Variants in TAF4B observed in about 807,000 individuals in gnomAD.
TAF4B encodes transcription initiation factor TFIID subunit 4B.
TAF4B carries 38 observed loss-of-function variants against 86.4 expected under a neutral mutation model. That is an observed-to-expected ratio of 0.44 (90% CI 0.34 to 0.58). TAF4B has a LOEUF of 0.58. TAF4B is among the 20% of genes least tolerant of loss of function. The pLI is 0.02. For synonymous variants in TAF4B, 388 were observed against 391.2 expected, an observed-to-expected ratio of 0.99 and a Z score of 0.10; for missense variants, 988 against 1,027.6, an observed-to-expected ratio of 0.96 and a Z score of 0.53.
intron 1 of TAF4B, among the ~76,000 whole-genome samples, chr18:26,242,261 G>T (rs1443932856): frequency 1.3e-5 from 2 of 152,120 alleles, no homozygotes; most frequent in African/African-American, 4.8e-5. Context: ...TTATGAATCT[G>T]GGTGCTCCTG....
chr18:26,346,759 G>GTGTGTATA (rs1202008455), intron 13 of TAF4B, among the ~76,000 whole-genome samples: 2 of 27,112 alleles, frequency 7.4e-5, no homozygotes, highest in South Asian at 1.8e-3. Context: ...ATATATGTGT[G>GTGTGTATA]TATATATATA....
At chr18:26,354,197 C>T (rs1357880779) in intron 13 of TAF4B, among the ~76,000 whole-genome samples, 1 of 152,202 alleles carries the variant, frequency 6.6e-6, no homozygotes, top group Non-Finnish European at 1.5e-5. Flanking sequence ...GCCTCAGCCT[C>T]CCAAGTAGCT....
intron 14 of TAF4B, among the ~76,000 whole-genome samples, chr18:26,384,318 T>C (rs1271425678): frequency 1.3e-5 from 2 of 152,224 alleles, no homozygotes; most frequent in Non-Finnish European, 2.9e-5. Context: ...GTCGTAGGAT[T>C]CAGGGAATTG....
chr18:26,299,550 C>A (rs2056706192), intron 9 of TAF4B, among the ~76,000 whole-genome samples: 1 of 152,010 alleles, frequency 6.6e-6, no homozygotes, highest in South Asian at 2.1e-4. Context: ...AAAAATGAGT[C>A]ATAGTCTTCC....
At chr18:26,291,806 T>G (rs948329887) in intron 7 of TAF4B, among the ~76,000 whole-genome samples, 1 of 151,996 alleles carries the variant, frequency 6.6e-6, no homozygotes, top group Non-Finnish European at 1.5e-5. Flanking sequence ...CAACGATATA[T>G]CTGAGATTTG....
intron 1 of TAF4B, among the ~76,000 whole-genome samples, chr18:26,254,603 T>C (rs2056054948): frequency 6.6e-6 from 1 of 152,164 alleles, no homozygotes; most frequent in African/African-American, 2.4e-5. Flanking sequence ...TAACCTTTGT[T>C]TTGTGCCATC....
At chr18:26,306,774 ATT>A (rs1427237833) in intron 9 of TAF4B, among the ~76,000 whole-genome samples, 1 of 151,144 alleles carries the variant, frequency 6.6e-6, no homozygotes, top group Non-Finnish European at 1.5e-5. Flanking sequence ...TTATTTATTT[ATT>A]TATTTATTTA....
chr18:26,264,920 T>C (rs1348894540), intron 1 of TAF4B, among the ~76,000 whole-genome samples: 1 of 152,222 alleles, frequency 6.6e-6, no homozygotes, highest in Non-Finnish European at 1.5e-5. Flanking sequence ...TTATAGATAG[T>C]TTTGATGTCA....
Position 26,322,232 on chromosome 18 carries a change from C to T in TAF4B, c.2133+1032C>T, listed in dbSNP as rs2056968787. ...AAGGAAACTAGGAAATTGTCAGCTA[C>T]TACACCACCAGTAAGTTCCCTGGAG... On this transcript the variant is annotated intron_variant, in intron 11 of 14. Coordinates refer to ENST00000269142, the MANE Select transcript of TAF4B (RefSeq NM_005640.3). Among the ~76,000 whole-genome samples, 6 of 152,162 alleles carry T rather than the reference C, an allele frequency of 3.9e-5. 1 individual carries two copies. The South Asian group carries it at 1.0e-3, about 26-fold the overall frequency.
At chr18:26,305,711 T>A (rs1432854080) in intron 9 of TAF4B, among the ~76,000 whole-genome samples, 2 of 152,208 alleles carry the variant, frequency 1.3e-5, no homozygotes, top group Admixed American at 1.3e-4. Flanking sequence ...TGTTTTCGAT[T>A]GTTATAACAT....
intron 3 of TAF4B, among the ~76,000 whole-genome samples, chr18:26,270,294 T>C (rs1177000385): frequency 6.6e-6 from 1 of 151,904 alleles, no homozygotes; most frequent in Non-Finnish European, 1.5e-5. Context: ...CTTCTTAGAG[T>C]GTATTAGGGA....
chr18:26,353,502 C>T (rs947344078), intron 13 of TAF4B, among the ~76,000 whole-genome samples: 1 of 152,214 alleles, frequency 6.6e-6, no homozygotes, highest in Non-Finnish European at 1.5e-5. Flanking sequence ...AGGCCAAGGC[C>T]GGTGGATAGC....
intron 9 of TAF4B, among the ~76,000 whole-genome samples, chr18:26,302,041 T>A (rs940428326): frequency 1.3e-5 from 2 of 152,216 alleles, no homozygotes; most frequent in African/African-American, 4.8e-5. Context: ...TGCCTTCAAA[T>A]AAACTTAAAA....
At chr18:26,266,664 A>T (rs1210661314) in intron 2 of TAF4B, 1 of 151,952 alleles carries the variant, frequency 6.6e-6, no homozygotes, top group Non-Finnish European at 1.5e-5. Flanking sequence ...GATCGAGACC[A>T]TCCTGGCTAA....
intron 14 of TAF4B, among the ~76,000 whole-genome samples, chr18:26,386,672 T>C (rs1391324638): frequency 6.6e-6 from 1 of 152,188 alleles, no homozygotes; most frequent in Admixed American, 6.5e-5. Context: ...ATGAATTCCT[T>C]TGTGTCTGGT....
intron 12 of TAF4B, among the ~76,000 whole-genome samples, chr18:26,332,157 C>A (rs2057055220): frequency 6.6e-6 from 1 of 152,196 alleles, no homozygotes; most frequent in East Asian, 1.9e-4. Flanking sequence ...TACCATCCTC[C>A]AAGATGCTTG....
intron 1 of TAF4B, among the ~76,000 whole-genome samples, chr18:26,257,842 CGTGT>C (rs57275139): frequency 0.065 from 9,210 of 141,354 alleles, 628 homozygotes; most frequent in African/African-American, 0.19. Flanking sequence ...CCTCTGCGTG[CGTGT>C]GTGTGTGTGT....
intron 1 of TAF4B, among the ~76,000 whole-genome samples, chr18:26,243,799 A>G (rs2055879630): frequency 6.6e-6 from 1 of 152,108 alleles, no homozygotes; most frequent in African/African-American, 2.4e-5. Flanking sequence ...TTTTCCTTCT[A>G]ACAGTCAGGA....
intron 13 of TAF4B, among the ~76,000 whole-genome samples, chr18:26,354,555 A>G (rs1238934130): frequency 6.6e-6 from 1 of 152,226 alleles, no homozygotes; most frequent in Non-Finnish European, 1.5e-5. Context: ...AGTTAAGGCC[A>G]TCCTATGGCT....
Sources: allele counts gnomAD v4.1 joint callset (sites outside exome capture counted in the v4.1 genomes callset), GRCh38; gene constraint gnomAD v4.1.1; transcripts MANE v1.5; gene names NCBI Gene and HGNC (gene_info 2026-07-23, HGNC 2026-07-21).